The following ARL6 variants were observed in gnomAD, a reference collection of about 807,000 sequenced individuals.
ARL6 encodes the protein ADP-ribosylation factor-like protein 6.
In ARL6, 18 loss-of-function variants were observed where a neutral mutation model predicts 27.1. The ratio of observed to expected loss-of-function variants is 0.66; its 90% CI spans 0.46 to 0.98. The LOEUF (loss-of-function observed/expected upper bound fraction) is 0.98, where lower values mean the gene tolerates loss of function less well. Among genes scored for constraint, ARL6 ranks in the 50% least tolerant of loss-of-function variants. The pLI is 0.00. For synonymous variants in ARL6, 65 were observed against 72.3 expected (o/e 0.90, Z 0.51); for missense variants, 187 against 214.9 (o/e 0.87, Z 0.81).
At position 97,768,191 on chromosome 3, in the gene ARL6, T is replaced by C. The variant is rs1219683366; in HGVS notation, c.84T>C (p.Ser28=). The C allele has an allele frequency of 6.2e-7, 1 of 1,612,918 alleles. No homozygotes were observed. Among genetic ancestry groups the C allele is most frequent in the African/African-American group, 1.3e-5 (1 of 74,902 alleles). Residue 28 remains serine (S), a synonymous_variant, in exon 2 of 8, where the codon AGT becomes AGC. Coordinates refer to ENST00000463745, the MANE Select transcript of ARL6 (RefSeq NM_001278293.3). ...TTTTGTGCCTTGGGCTAGATAATAG[T>C]GGCAAAACGACGATCATTAACAAAC... ...VHVLCLGLDN[S]GKTTIINKLK... is the part of the protein sequence containing the mutation.
chr3:97,798,180 C>A lies in ARL6; in HGVS notation c.*131C>A. 1.1e-6 allele frequency: 1 copy of A among 934,986 alleles called. No homozygotes were observed. 57.9% of individuals were successfully genotyped at this position (934,986 alleles called of 1,614,324 possible). A position where few individuals can be genotyped will look rare whatever the true frequency, so the allele number is the denominator to read the frequency against. On this transcript the variant is annotated 3_prime_UTR_variant, in exon 8 of 8. Coordinates refer to ENST00000463745, the MANE Select transcript of ARL6 (RefSeq NM_001278293.3). Reference sequence around the variant, plus strand: ...TCTGCTTGCATTTATGGACTCTGACCTTTTTAAGAACATAGGACTTCAGGT... The same window carrying A: ...TCTGCTTGCATTTATGGACTCTGACATTTTTAAGAACATAGGACTTCAGGT...
At chr3:97,785,877 T>C (rs2037434599) in intron 5 of ARL6, among the ~76,000 whole-genome samples, 1 of 152,190 alleles carries the variant, frequency 6.6e-6, no homozygotes, top group Non-Finnish European at 1.5e-5. Flanking sequence ...GATGGTGGTT[T>C]AAGAGAACTG....
At chr3:97,765,918 A>C (rs1331047931) in intron 1 of ARL6, 1 of 152,236 alleles carries the variant, frequency 6.6e-6, no homozygotes, top group Non-Finnish European at 1.5e-5. Context: ...TAACTACTTG[A>C]AACGTAGAAG....
intron 3 of ARL6, 24 bp from the exon 4 acceptor site, chr3:97,780,591 G>C: frequency 6.3e-7 from 1 of 1,587,832 alleles, no homozygotes; most frequent in Non-Finnish European, 8.6e-7. Flanking sequence ...TTATAATGTA[G>C]TCATGTTTTG....
At chr3:97,773,161 C>T (rs1346627470) in intron 2 of ARL6, among the ~76,000 whole-genome samples, 2 of 152,132 alleles carry the variant, frequency 1.3e-5, no homozygotes, top group Non-Finnish European at 2.9e-5. Context: ...AGCAAGGAAG[C>T]CAGTCTGAGT....
Position 97,780,192 on chromosome 3 carries a change from T to C in ARL6, c.157T>C (p.Phe53Leu). ...QSQNILPTIG[F>L]SIEKFKSSSL... The stretch of plus-strand genomic sequence containing the variant: ...TCAAAATATCCTTCCAACAATAGGA[T>C]TCAGCATAGAGAAATTCAAATCATC... The change falls in exon 3 of 8, where the codon TTC (phenylalanine) becomes CTC (leucine). Residue 53 changes from phenylalanine (F) to leucine (L), a missense_variant. Coordinates refer to ENST00000463745, the MANE Select transcript of ARL6 (RefSeq NM_001278293.3). The C allele has an allele frequency of 6.2e-7, 1 of 1,613,246 alleles. No individual in the cohort carries two copies. The highest frequency in any genetic ancestry group is 8.5e-7 in the Non-Finnish European group (1 of 1,179,438).
In ARL6 at chr3:97,801,171, G is replaced by A. The variant is rs1213193440; in HGVS notation, c.*3122G>A. On this transcript the variant is annotated 3_prime_UTR_variant, in exon 8 of 8. Transcript: ENST00000463745. The stretch of plus-strand genomic sequence containing the variant: ...CCTTTGTTCATGAAAATAAATGACT[G>A]GTATTACAAGGTCACCTAAATAAAT... 1 of 152,104 alleles carries A rather than the reference G, an allele frequency of 6.6e-6. No homozygotes were observed. Among genetic ancestry groups the A allele is most frequent in the African/African-American group, 2.4e-5 (1 of 41,404 alleles). The allele number at this position is 152,104 out of a possible 1,614,324, so 9.4% of individuals were successfully genotyped here. A position where few individuals can be genotyped will look rare whatever the true frequency, so the allele number is the denominator to read the frequency against.
intron 1 of ARL6, 51 bp from the exon 2 acceptor site, chr3:97,768,030 T>C: frequency 1.3e-6 from 2 of 1,526,842 alleles, no homozygotes; most frequent in East Asian, 4.5e-5. Context: ...ACCAATATTT[T>C]CCATAACTTA....
intron 7 of ARL6, among the ~76,000 whole-genome samples, chr3:97,794,462 C>T (rs931607763): frequency 8.5e-5 from 13 of 152,048 alleles, no homozygotes; most frequent in African/African-American, 3.1e-4. Flanking sequence ...GATCCACCCA[C>T]CTCAGCCTCC....
intron 4 of ARL6, among the ~76,000 whole-genome samples, chr3:97,783,451 A>G (rs1370663118): frequency 1.3e-5 from 2 of 151,874 alleles, no homozygotes; most frequent in Admixed American, 6.6e-5. Context: ...ACTCTAGGAC[A>G]TGAAGGCTAT....
At chr3:97,770,082 A>G (rs1266011331) in intron 2 of ARL6, among the ~76,000 whole-genome samples, 2 of 151,958 alleles carry the variant, frequency 1.3e-5, no homozygotes, top group Non-Finnish European at 2.9e-5. Flanking sequence ...TGGGAGTTCT[A>G]TTTTTAGTTT....
At chr3:97,789,632 G>A (rs758872808) in intron 6 of ARL6, among the ~76,000 whole-genome samples, 1 of 152,188 alleles carries the variant, frequency 6.6e-6, no homozygotes, top group East Asian at 1.9e-4. Context: ...ATATAAGAAA[G>A]CAAAGTGTTT....
At chr3:97,780,499 G>T in intron 3 of ARL6, 116 bp from the exon 4 acceptor site, 2 of 834,196 alleles carry the variant, frequency 2.4e-6, no homozygotes, top group South Asian at 1.5e-5. Context: ...TTGTAAATTG[G>T]CACATGTTGA....
chr3:97,793,333 G>T (rs1208380504), intron 7 of ARL6: 1 of 152,204 alleles, frequency 6.6e-6, no homozygotes, highest in Non-Finnish European at 1.5e-5. Context: ...GTAAAGAAGT[G>T]TTGAAGGCAA....
chr3:97,765,208 G>GT (rs2036311276), intron 1 of ARL6, among the ~76,000 whole-genome samples: 6 of 60,554 alleles, frequency 9.9e-5, no homozygotes, highest in Non-Finnish European at 2.0e-4. Flanking sequence ...CCCGTGTATT[G>GT]GGGGTGTGTG....
intron 6 of ARL6, among the ~76,000 whole-genome samples, chr3:97,791,518 A>G (rs2108083032): frequency 6.6e-6 from 1 of 152,338 alleles, no homozygotes; most frequent in Non-Finnish European, 1.5e-5. Context: ...TGTTTTGTTA[A>G]TGTCAGTGTA....
At chr3:97,788,205 A>T (rs1467906075) in intron 6 of ARL6, 86 bp downstream of exon 6, 1 of 1,404,372 alleles carries the variant, frequency 7.1e-7, no homozygotes, top group African/African-American at 1.4e-5. Context: ...ATTTTTTAAA[A>T]ATAAGTGATC....
intron 4 of ARL6, among the ~76,000 whole-genome samples, chr3:97,782,175 G>T (rs1014174260): frequency 6.6e-6 from 1 of 151,854 alleles, no homozygotes; most frequent in East Asian, 1.9e-4. Context: ...TTGTTTGTGT[G>T]TTTAGGAAAC....
At chr3:97,764,564 G>A (rs954976901), upstream of ARL6, 1 of 152,328 alleles carries the variant, frequency 6.6e-6, no homozygotes, top group South Asian at 2.1e-4. Context: ...CTCCTCGCAG[G>A]AAATAGGCAG....
Sources: allele counts gnomAD v4.1 joint callset (sites outside exome capture counted in the v4.1 genomes callset), GRCh38; gene constraint gnomAD v4.1.1; transcripts MANE v1.5; gene names NCBI Gene and HGNC (gene_info 2026-07-23, HGNC 2026-07-21).